CEP112: variants seen among roughly 807,000 people sequenced by gnomAD.
CEP112 encodes the protein centrosomal protein 112, also known as centrosomal protein of 112 kDa.
In CEP112, 127 loss-of-function variants were observed where a neutral mutation model predicts 153.0. The observed-to-expected ratio is 0.83, with a 90% CI of 0.72 to 0.96. The LOEUF (loss-of-function observed/expected upper bound fraction) is 0.96. Among genes scored for constraint, CEP112 ranks in the 40% least tolerant of loss-of-function variants. CEP112 has a pLI of 0.00. For synonymous variants in CEP112, 358 were observed against 374.4 expected, an observed-to-expected ratio of 0.96 and a Z score of 0.51; for missense variants, 1,089 against 1,101.2, an observed-to-expected ratio of 0.99 and a Z score of 0.16.
At chr17:66,007,392 T>C (rs2064320393) in intron 16 of CEP112, among the ~76,000 whole-genome samples, 2 of 152,212 alleles carry the variant, frequency 1.3e-5, no homozygotes, top group Non-Finnish European at 2.9e-5. Flanking sequence ...TTATCTTACA[T>C]GCAGGAAAAA....
At chr17:66,014,367 T>C (rs2064678215) in intron 16 of CEP112, among the ~76,000 whole-genome samples, 1 of 152,152 alleles carries the variant, frequency 6.6e-6, no homozygotes, top group South Asian at 2.1e-4. Flanking sequence ...CAGGCTATGG[T>C]CCCAGGAGAG....
intron 20 of CEP112, among the ~76,000 whole-genome samples, chr17:65,864,427 C>A (rs1244102290): frequency 3.3e-5 from 5 of 152,208 alleles, no homozygotes; most frequent in Non-Finnish European, 1.5e-5. Context: ...ACTTCCTCAT[C>A]ACTGGAAATT....
intron 18 of CEP112, among the ~76,000 whole-genome samples, chr17:65,957,442 C>G (rs936472207): frequency 6.6e-6 from 1 of 152,040 alleles, no homozygotes; most frequent in Non-Finnish European, 1.5e-5. Flanking sequence ...CTTTAGCATG[C>G]AAAAATATAT....
intron 18 of CEP112, among the ~76,000 whole-genome samples, chr17:65,947,609 A>T (rs1040632665): frequency 1.4e-4 from 22 of 152,104 alleles, no homozygotes; most frequent in African/African-American, 5.3e-4. Flanking sequence ...CTTACTATCC[A>T]ATTAAGCACT....
chr17:66,155,213 T>C (rs1402817089), intron 4 of CEP112, among the ~76,000 whole-genome samples: 2 of 151,962 alleles, frequency 1.3e-5, no homozygotes, highest in African/African-American at 2.4e-5. Context: ...CTGGGACTGG[T>C]TAGACAGTGG....
chr17:66,168,447 G>GTGTATATA (rs2072084589), intron 4 of CEP112, among the ~76,000 whole-genome samples: 1 of 144,806 alleles, frequency 6.9e-6, no homozygotes, highest in Non-Finnish European at 1.5e-5. Flanking sequence ...ATATATGTGT[G>GTGTATATA]TGTATATATG....
At position 66,105,622 on chromosome 17, in the gene CEP112, C is replaced by T. The variant is rs186086104; in HGVS notation, c.643-8990G>A. 7.7e-4 allele frequency among the ~76,000 whole-genome samples: 117 copies of T among 152,114 alleles called. 2 individuals are homozygous for T. In the South Asian group the frequency reaches 8.5e-3, roughly 11 times the overall value. On this transcript the variant is annotated intron_variant, in intron 6 of 26. Coordinates refer to ENST00000535342, the MANE Select transcript of CEP112 (RefSeq NM_001199165.4). ...CAGCTTGGGTAACATTGTAAAACCCCGTCTTCACAAAAATTCCAAAAATTA... is the reference window on the plus strand; with the variant it reads ...CAGCTTGGGTAACATTGTAAAACCCTGTCTTCACAAAAATTCCAAAAATTA...
At chr17:66,187,055 T>C (rs2072965033) in intron 1 of CEP112, among the ~76,000 whole-genome samples, 1 of 152,172 alleles carries the variant, frequency 6.6e-6, no homozygotes, top group African/African-American at 2.4e-5. Context: ...CACTCACTCC[T>C]TCCCCTCTGA....
chr17:66,037,592 G>T (rs2065790225), intron 12 of CEP112, among the ~76,000 whole-genome samples: 1 of 114,246 alleles, frequency 8.8e-6, no homozygotes, highest in Admixed American at 7.6e-5. Flanking sequence ...GACTTCCATA[G>T]GATGATTTTT....
At chr17:65,832,678 C>T (rs1364449361) in intron 21 of CEP112, among the ~76,000 whole-genome samples, 1 of 151,968 alleles carries the variant, frequency 6.6e-6, no homozygotes, top group African/African-American at 2.4e-5. Context: ...ATGAACAGAC[C>T]AATAACAAAC....
chr17:65,668,795 A>G (rs1435346790), intron 24 of CEP112, among the ~76,000 whole-genome samples: 1 of 152,146 alleles, frequency 6.6e-6, no homozygotes, highest in Non-Finnish European at 1.5e-5. Flanking sequence ...TTTTAGCCAA[A>G]GTCACTTTTG....
intron 3 of CEP112, 82 bp from the exon 4 acceptor site, chr17:66,175,298 G>C: frequency 2.1e-6 from 2 of 963,882 alleles, no homozygotes; most frequent in Non-Finnish European, 2.9e-6. Context: ...TTTCAAGTTT[G>C]AAAACAGCCT....
At chr17:65,921,878 G>C (rs1419982860) in intron 19 of CEP112, among the ~76,000 whole-genome samples, 2 of 151,922 alleles carry the variant, frequency 1.3e-5, no homozygotes, top group African/African-American at 4.8e-5. Context: ...CATGCTTCCA[G>C]ACAAATTTAT....
chr17:65,771,412 A>G (rs563043359), intron 21 of CEP112, among the ~76,000 whole-genome samples: 1 of 152,324 alleles, frequency 6.6e-6, no homozygotes, highest in Non-Finnish European at 1.5e-5. Flanking sequence ...CAGAAATGAA[A>G]GGATAAATAG....
At chr17:66,005,136 A>G (rs561827329) in intron 17 of CEP112, among the ~76,000 whole-genome samples, 15 of 152,334 alleles carry the variant, frequency 9.8e-5, no homozygotes, top group Admixed American at 3.9e-4. Context: ...TTTTTCAGCT[A>G]AAAACTGCAA....
intron 17 of CEP112, among the ~76,000 whole-genome samples, chr17:65,987,602 T>C (rs1301786375): frequency 3.3e-5 from 5 of 152,148 alleles, no homozygotes; most frequent in Non-Finnish European, 7.3e-5. Context: ...AATGGCGGCA[T>C]AGAAGCTGGC....
chr17:66,011,418 T>G (rs546008862), intron 16 of CEP112, among the ~76,000 whole-genome samples: 1 of 152,250 alleles, frequency 6.6e-6, no homozygotes, highest in East Asian at 1.9e-4. Flanking sequence ...TTCTGGTACA[T>G]TTTATCTTTA....
At chr17:65,815,561 AG>A (rs2056218951) in intron 21 of CEP112, among the ~76,000 whole-genome samples, 1 of 152,136 alleles carries the variant, frequency 6.6e-6, no homozygotes, top group African/African-American at 2.4e-5. Flanking sequence ...GGTTTGGATG[AG>A]GACTGCACTT....
At chr17:65,711,226 G>A (rs1057372867) in intron 23 of CEP112, among the ~76,000 whole-genome samples, 2 of 152,174 alleles carry the variant, frequency 1.3e-5, no homozygotes, top group Non-Finnish European at 2.9e-5. Context: ...TAGTCTAGTG[G>A]TGAAACCTTC....
Sources: gnomAD v4.1 joint callset for allele counts (sites outside exome capture counted in the v4.1 genomes callset) on GRCh38, gnomAD v4.1.1 for gene constraint, MANE v1.5 for transcripts, NCBI Gene and HGNC (gene_info 2026-07-23, HGNC 2026-07-21) for gene names.